ACYP2: variants seen among roughly 807,000 people sequenced by gnomAD.
The protein encoded by ACYP2 is acylphosphatase 2.
In ACYP2, 12 loss-of-function variants were observed where a neutral mutation model predicts 11.2. The observed-to-expected ratio is 1.08, with a 90% CI of 0.69 to 1.74. The LOEUF is 1.74. Ranked by LOEUF, ACYP2 falls within the 40% of genes most tolerant of loss-of-function variation. The pLI is 0.00. For synonymous variants in ACYP2, 43 were observed against 32.2 expected, an observed-to-expected ratio of 1.33 and a Z score of -1.13; for missense variants, 134 against 101.9, an observed-to-expected ratio of 1.31 and a Z score of -1.35.
intron 6 of ACYP2, among the ~76,000 whole-genome samples, chr2:54,301,829 C>T (rs1015923844): frequency 1.3e-5 from 2 of 152,154 alleles, no homozygotes; most frequent in East Asian, 1.9e-4. Context: ...AAAAACAGCA[C>T]TTGAGAGTCA....
intron 2 of ACYP2, among the ~76,000 whole-genome samples, chr2:54,028,531 G>A (rs1207930576): frequency 6.6e-6 from 1 of 152,172 alleles, no homozygotes; most frequent in Non-Finnish European, 1.5e-5. Flanking sequence ...GAAGAAAATA[G>A]TTATTTCTGG....
chr2:54,292,257 A>G (rs1434471981), intron 6 of ACYP2, among the ~76,000 whole-genome samples: 1 of 152,126 alleles, frequency 6.6e-6, no homozygotes, highest in African/African-American at 2.4e-5. Context: ...AATTCCAAAC[A>G]TTATTTTTTA....
chr2:54,239,964 T>C (rs1686661735), intron 6 of ACYP2, among the ~76,000 whole-genome samples: 1 of 152,226 alleles, frequency 6.6e-6, no homozygotes, highest in African/African-American at 2.4e-5. Flanking sequence ...AAAGTATTTA[T>C]AACAAAAATT....
intron 4 of ACYP2, among the ~76,000 whole-genome samples, chr2:54,061,544 G>A (rs1229533990): frequency 6.6e-6 from 1 of 152,070 alleles, no homozygotes; most frequent in Admixed American, 6.6e-5. Context: ...TACCAGCCTG[G>A]GTCCTTTGTT....
intron 2 of ACYP2, among the ~76,000 whole-genome samples, chr2:54,008,096 C>G (rs896347864): frequency 1.3e-5 from 2 of 152,186 alleles, no homozygotes; most frequent in South Asian, 2.1e-4. Context: ...TTCACTCACT[C>G]ACCTGTAGAC....
chr2:54,159,616 A>G (rs1313205758), intron 6 of ACYP2, among the ~76,000 whole-genome samples: 1 of 152,090 alleles, frequency 6.6e-6, no homozygotes, highest in African/African-American at 2.4e-5. Flanking sequence ...GGGGCATAAG[A>G]TGATTAAAGG....
chr2:54,115,875 C>A (rs7573491), intron 4 of ACYP2, 119 bp downstream of exon 1: 688,393 of 1,269,406 alleles, frequency 0.54, 187,892 homozygotes, highest in East Asian at 0.67. Flanking sequence ...ACTTCCGCTC[C>A]GCCATGACAC....
chr2:54,124,874 G>A (rs537919389), intron 4 of ACYP2, among the ~76,000 whole-genome samples: 162 of 152,052 alleles, frequency 1.1e-3, no homozygotes, highest in Non-Finnish European at 1.6e-3. Flanking sequence ...TATCTAAGAC[G>A]CATGTGCTAA....
chr2:54,073,601 T>A (rs975875873), intron 4 of ACYP2, among the ~76,000 whole-genome samples: 1 of 152,124 alleles, frequency 6.6e-6, no homozygotes, highest in Non-Finnish European at 1.5e-5. Flanking sequence ...AAAAGGCAAC[T>A]CATAGAAGGG....
chr2:54,221,088 A>G (rs1685780431), intron 6 of ACYP2, among the ~76,000 whole-genome samples: 1 of 152,096 alleles, frequency 6.6e-6, no homozygotes, highest in South Asian at 2.1e-4. Flanking sequence ...GTCATTTGTT[A>G]TGAGAAGAGC....
At chr2:54,297,107 CTT>C in intron 6 of ACYP2, among the ~76,000 whole-genome samples, 1 of 149,702 alleles carries the variant, frequency 6.7e-6, no homozygotes, top group Non-Finnish European at 1.5e-5. Flanking sequence ...TGGGTGAACA[CTT>C]TTCCTGTTTT....
intron 3 of ACYP2, among the ~76,000 whole-genome samples, chr2:54,053,127 T>C (rs1479995522): frequency 1.3e-5 from 2 of 152,252 alleles, no homozygotes; most frequent in African/African-American, 4.8e-5. Flanking sequence ...ACTTCACTGT[T>C]GGCTCAGTAT....
At chr2:54,223,542 A>C (rs1685885826) in intron 6 of ACYP2, among the ~76,000 whole-genome samples, 1 of 152,230 alleles carries the variant, frequency 6.6e-6, no homozygotes, top group Non-Finnish European at 1.5e-5. Flanking sequence ...CACTGCTATA[A>C]ATTTAAATTG....
chr2:53,973,551 C>G (rs1194333320), intron 1 of ACYP2, among the ~76,000 whole-genome samples: 1 of 152,152 alleles, frequency 6.6e-6, no homozygotes, highest in African/African-American at 2.4e-5. Flanking sequence ...TATAATCTCC[C>G]CAACCCTTAA....
intron 6 of ACYP2, among the ~76,000 whole-genome samples, chr2:54,187,930 C>T (rs566803641): frequency 3.3e-5 from 5 of 152,288 alleles, no homozygotes; most frequent in Middle Eastern, 3.4e-3. Flanking sequence ...ATGGGCTCTA[C>T]GTTTCTTTTC....
chr2:54,074,292 C>T (rs917322334), intron 4 of ACYP2, among the ~76,000 whole-genome samples: 3 of 152,136 alleles, frequency 2.0e-5, no homozygotes, highest in Admixed American at 6.5e-5. Context: ...TTATAATGAG[C>T]TATGATTGGG....
chr2:53,989,981 CTTTTTTT>C (rs112395166), intron 2 of ACYP2, among the ~76,000 whole-genome samples: 1 of 143,186 alleles, frequency 7.0e-6, no homozygotes, highest in Non-Finnish European at 1.5e-5. Flanking sequence ...CTTTTCTTTT[CTTTTTTT>C]TTTTTTTTTG....
chr2:54,233,567 A>G (rs768158383), intron 6 of ACYP2, among the ~76,000 whole-genome samples: 16 of 152,082 alleles, frequency 1.1e-4, no homozygotes, highest in Admixed American at 2.6e-4. Context: ...TGGCCTCCCA[A>G]AGTGCTGGGA....
At chr2:54,273,709 A>G (rs928141950) in intron 6 of ACYP2, among the ~76,000 whole-genome samples, 1 of 152,124 alleles carries the variant, frequency 6.6e-6, no homozygotes, top group Admixed American at 6.6e-5. Flanking sequence ...CAGGTGATTC[A>G]CCTGCCTCGA....
Sources: allele counts gnomAD v4.1 joint callset (sites outside exome capture counted in the v4.1 genomes callset), GRCh38; gene constraint gnomAD v4.1.1; transcripts MANE v1.5; gene names NCBI Gene and HGNC (gene_info 2026-07-23, HGNC 2026-07-21).